The following SLC24A1 variants were observed in gnomAD, a reference collection of about 807,000 sequenced individuals.
The protein encoded by SLC24A1 is solute carrier family 24 member 1.
In SLC24A1, 52 loss-of-function variants were observed where a neutral mutation model predicts 88.1. The observed-to-expected ratio is 0.59, with a 90% confidence interval of 0.47 to 0.74. The LOEUF (loss-of-function observed/expected upper bound fraction) is 0.74, where lower values mean the gene tolerates loss of function less well. Ranked by LOEUF, SLC24A1 falls within the 30% of genes least tolerant of loss-of-function variation. The pLI is 0.00. For missense variants in SLC24A1, 1,173 were observed against 1,363.3 expected (o/e 0.86, Z 2.20); for synonymous variants, 455 against 498.0 (o/e 0.91, Z 1.15).
At chr15:65,637,682 C>T (rs2074987038) in intron 2 of SLC24A1, among the ~76,000 whole-genome samples, 1 of 152,114 alleles carries the variant, frequency 6.6e-6, no homozygotes, top group Admixed American at 6.6e-5. Flanking sequence ...AACTTATTTC[C>T]ACAAATAAAT....
rs748436850 is a variant in SLC24A1 at position 65,648,687 on chromosome 15, A to G, written c.2233-1695A>G. Among the ~76,000 whole-genome samples the G allele has an allele frequency of 9.0e-4, 136 of 151,618 alleles. 1 individual carries two copies. The highest frequency in any genetic ancestry group is 1.8e-3 in the East Asian group (9 of 5,142). ...TTATTTATTTATTTTTTTTAAGTAG[A>G]TATGGGGTTTCACCACTTTAGTCAG... On this transcript the variant is annotated intron_variant, in intron 6 of 9. Coordinates refer to ENST00000261892, the MANE Select transcript of SLC24A1 (RefSeq NM_004727.3).
At chr15:65,636,779 G>A (rs191456623) in intron 2 of SLC24A1, among the ~76,000 whole-genome samples, 12 of 152,072 alleles carry the variant, frequency 7.9e-5, no homozygotes, top group Admixed American at 7.2e-4. Context: ...GGGAGGCTGA[G>A]GCAGGAGAAT....
At chr15:65,660,544 C>A, downstream of SLC24A1, 1 of 394,738 alleles carries the variant, frequency 2.5e-6, no homozygotes, top group South Asian at 1.2e-4. Context: ...ATTCTAGCAG[C>A]CAAAAGATGT....
At chr15:65,641,763 C>T (rs189540620) in intron 4 of SLC24A1, among the ~76,000 whole-genome samples, 4 of 152,340 alleles carry the variant, frequency 2.6e-5, no homozygotes, top group Admixed American at 2.0e-4. Flanking sequence ...GAATCACTGA[C>T]TCTAGCAAAG....
Position 65,650,289 on chromosome 15 carries a change from C to A in SLC24A1, c.2233-93C>A. 9.5e-7 allele frequency: 1 copy of A among 1,054,230 alleles called. No individual in the cohort carries two copies. Among genetic ancestry groups the A allele is most frequent in the Non-Finnish European group, 1.4e-6 (1 of 728,992 alleles). 65.3% of individuals were successfully genotyped at this position (1,054,230 alleles called of 1,614,324 possible). On this transcript the variant is annotated intron_variant, in intron 6 of 9. Coordinates refer to ENST00000261892, the MANE Select transcript of SLC24A1 (RefSeq NM_004727.3). The surrounding 1 kb of genome is among the most constrained non-coding windows in gnomAD (Gnocchi z 4.1). ...TCATACTTAAGTTTTCAGATACCTT[C>A]TGAGAAGCACGCCAACAAAAAAATG...
intron 9 of SLC24A1, among the ~76,000 whole-genome samples, chr15:65,653,135 A>T (rs542034692): frequency 1.3e-5 from 2 of 152,228 alleles, no homozygotes; most frequent in South Asian, 4.1e-4. Flanking sequence ...AGGAGCAATG[A>T]CTCAACTTCA....
chr15:65,648,042 C>T (rs1021179861), intron 6 of SLC24A1, among the ~76,000 whole-genome samples: 120 of 152,274 alleles, frequency 7.9e-4, no homozygotes, highest in African/African-American at 2.7e-3. Context: ...GGGCGGATCA[C>T]GAGCTCAGGA....
In SLC24A1 at chr15:65,652,717, CTCA is replaced by C. The variant is rs2075547310; in HGVS notation, c.2963_2965del (p.Ile988del). ...TGCAGCAGGCACATCAATTCCTGAC[CTCA>C]TCACCAGTGTGATTGTCGCTCGAAA... On this transcript the variant is annotated inframe_deletion, in exon 9 of 10. Coordinates refer to ENST00000261892, the MANE Select transcript of SLC24A1 (RefSeq NM_004727.3). 2.5e-6 allele frequency: 4 copies of C among 1,613,790 alleles called. No homozygotes were observed. The highest frequency in any genetic ancestry group is 3.4e-6 in the Non-Finnish European group (4 of 1,179,830).
chr15:65,611,465 A>G, exon 1 of SLC24A1: 1 of 474,596 alleles, frequency 2.1e-6, no homozygotes, highest in Non-Finnish European at 3.9e-6. Context: ...CCACTGACCC[A>G]TGGGCCTCAC....
At position 65,651,741 on chromosome 15, in the gene SLC24A1, GGTGTGGTGGGCTCACCAGGTGA is replaced by G. The variant is rs1483252113; in HGVS notation, c.2869_2883+7del. 1.9e-6 allele frequency: 3 copies of G among 1,604,540 alleles called. No homozygotes were observed. The highest frequency in any genetic ancestry group is 1.1e-5 in the South Asian group (1 of 90,696). ...GGATAGCCATGTTCTCATACCTCATGGTGTGGTGGGCTCACCAGGTGAGTGAACAGCAGGAACGAAATCCTCT... is the reference window on the plus strand; with the variant it reads ...GGATAGCCATGTTCTCATACCTCATGGTGAACAGCAGGAACGAAATCCTCT... On this transcript the variant is annotated splice_donor_variant and splice_donor_region_variant and coding_sequence_variant and intron_variant, in exon 8 of 10. Coordinates refer to ENST00000261892, the MANE Select transcript of SLC24A1 (RefSeq NM_004727.3). LOFTEE classifies it high-confidence loss of function.
chr15:65,635,373 G>A lies in SLC24A1; in HGVS notation c.1891-2755G>A, dbSNP rs147718592. ...TGCACACCTGTAGTCCCAGCTACTCGGGAGGCTGAGGCAGGAGAATCGCTT... is the reference window on the plus strand; with the variant it reads ...TGCACACCTGTAGTCCCAGCTACTCAGGAGGCTGAGGCAGGAGAATCGCTT... On this transcript the variant is annotated intron_variant, in intron 2 of 9. Coordinates refer to ENST00000261892, the MANE Select transcript of SLC24A1 (RefSeq NM_004727.3). 8.8e-3 allele frequency among the ~76,000 whole-genome samples: 1,316 copies of A among 150,008 alleles called. 15 individuals carry two copies. Among genetic ancestry groups the A allele is most frequent in the South Asian group, 0.041 (192 of 4,716 alleles).
chr15:65,613,479 T>TG (rs1423670379), intron 2 of SLC24A1, among the ~76,000 whole-genome samples: 3 of 124,730 alleles, frequency 2.4e-5, no homozygotes, highest in African/African-American at 9.7e-5. Context: ...CCAGGGTGAT[T>TG]TTGTGTGTGT....
At position 65,655,016 on chromosome 15, in the gene SLC24A1, G is replaced by T. The variant is rs1018595421; in HGVS notation, c.*937G>T. On this transcript the variant is annotated 3_prime_UTR_variant, in exon 10 of 10. Coordinates refer to ENST00000261892, the MANE Select transcript of SLC24A1 (RefSeq NM_004727.3). ...AAATTTATAATTTGCCCTTGAATTGGAAGGAATGGAGATTAGGGAAGGAAA... is the reference window on the plus strand; with the variant it reads ...AAATTTATAATTTGCCCTTGAATTGTAAGGAATGGAGATTAGGGAAGGAAA... The T allele has an allele frequency of 9.5e-7, 1 of 1,048,520 alleles. No individual in the cohort carries two copies. 65.0% of individuals were successfully genotyped at this position (1,048,520 alleles called of 1,614,324 possible).
chr15:65,611,434 C>T, exon 1 of SLC24A1: 1 of 545,726 alleles, frequency 1.8e-6, no homozygotes, highest in South Asian at 2.1e-5. Context: ...CATTCTCGGG[C>T]TCTTTCCTTC....
downstream of SLC24A1, chr15:65,658,259 G>GT (rs1289499034): frequency 6.6e-6 from 1 of 152,216 alleles, no homozygotes; most frequent in Non-Finnish European, 1.5e-5. Context: ...GGATATTAAG[G>GT]TAAACTGGTA....
chr15:65,612,176 TTC>T (rs1380461790), intron 1 of SLC24A1: 3 of 152,330 alleles, frequency 2.0e-5, no homozygotes, highest in Non-Finnish European at 4.4e-5. Context: ...GTGACTTTCT[TTC>T]TAACCATGTA....
rs1308936412 is a variant in SLC24A1 at position 65,654,712 on chromosome 15, T to A, written c.*633T>A. ...TGGATATATACCAGTATTTTCTTTT[T>A]TTTTTTTTTTGAGACAGAGTTTGGC... On this transcript the variant is annotated 3_prime_UTR_variant, in exon 10 of 10. Coordinates refer to ENST00000261892, the MANE Select transcript of SLC24A1 (RefSeq NM_004727.3). 1 of 1,273,554 alleles carries A rather than the reference T, an allele frequency of 7.9e-7. No individual in the cohort carries two copies. The allele number at this position is 1,273,554 out of a possible 1,614,324, so 78.9% of individuals were successfully genotyped here.
At chr15:65,619,638 C>T (rs1194154970), upstream of SLC24A1, among the ~76,000 whole-genome samples, 1 of 151,974 alleles carries the variant, frequency 6.6e-6, no homozygotes, top group Non-Finnish European at 1.5e-5. Flanking sequence ...TGATGTAGAC[C>T]CAGAAATAAA....
intron 4 of SLC24A1, among the ~76,000 whole-genome samples, chr15:65,641,736 A>G (rs2075136586): frequency 6.6e-6 from 1 of 152,192 alleles, no homozygotes; most frequent in Admixed American, 6.5e-5. Context: ...CTGGGTCATC[A>G]GTGGCTACTC....
Sources: gnomAD v4.1 joint callset for allele counts (sites outside exome capture counted in the v4.1 genomes callset) on GRCh38, gnomAD v4.1.1 for gene constraint, Gnocchi (gnomAD v3.1) non-coding constraint, MANE v1.5 for transcripts, NCBI Gene and HGNC (gene_info 2026-07-23, HGNC 2026-07-21) for gene names.